The following ADGRV1 variants were observed in gnomAD, a reference collection of about 807,000 sequenced individuals.
The protein encoded by ADGRV1 is G-protein coupled receptor 98.
ADGRV1 carries 359 observed loss-of-function variants against 596.2 expected under a neutral mutation model. The ratio of observed to expected loss-of-function variants is 0.60; its 90% CI spans 0.55 to 0.66. The LOEUF (loss-of-function observed/expected upper bound fraction) is 0.66, where lower values mean the gene tolerates loss of function less well. ADGRV1 is among the 30% of genes least tolerant of loss of function. The probability of loss-of-function intolerance (pLI) is 0.00; values close to 1 mark genes in which losing one functional copy is unlikely to be tolerated. For synonymous variants in ADGRV1, 2,681 were observed against 2,679.2 expected, an observed-to-expected ratio of 1.00 and a Z score of -0.02; for missense variants, 7,274 against 7,575.6, an observed-to-expected ratio of 0.96 and a Z score of 1.48.
intron 83 of ADGRV1, among the ~76,000 whole-genome samples, chr5:90,928,607 C>T (rs879509401): frequency 4.1e-4 from 61 of 149,796 alleles, no homozygotes; most frequent in South Asian, 8.6e-4. Context: ...GTAATTTGAT[C>T]GTCTGAAGCC....
At chr5:90,633,176 T>G (rs1013625721) in intron 9 of ADGRV1, among the ~76,000 whole-genome samples, 35 of 152,184 alleles carry the variant, frequency 2.3e-4, no homozygotes, top group African/African-American at 8.4e-4. Context: ...GCAGTTTGAT[T>G]TAGCAGATGG....
intron 55 of ADGRV1, 140 bp from the exon 56 acceptor site, chr5:90,756,314 G>T (rs754488824): frequency 7.6e-5 from 41 of 542,634 alleles, no homozygotes; most frequent in Admixed American, 2.9e-4. Flanking sequence ...AATATAACAA[G>T]AATCTTTTTT....
At chr5:91,074,353 G>T (rs1386595370) in intron 86 of ADGRV1, among the ~76,000 whole-genome samples, 1 of 152,068 alleles carries the variant, frequency 6.6e-6, no homozygotes, top group Non-Finnish European at 1.5e-5. Context: ...GTAGGCCCCA[G>T]TGTCTCTTAT....
At chr5:90,996,388 A>T (rs1431631972) in intron 85 of ADGRV1, among the ~76,000 whole-genome samples, 2 of 152,238 alleles carry the variant, frequency 1.3e-5, no homozygotes, top group Non-Finnish European at 2.9e-5. Context: ...GGTGCAAGCC[A>T]TAAGAATCCT....
Position 90,683,692 on chromosome 5 carries a change from T to C in ADGRV1, c.5771T>C (p.Ile1924Thr), listed in dbSNP as rs779395121. ...ACCTCTGGCAACATCACATTTGAGA[T>C]TGGGCAGACGAGCGCCAATATCACT... The part of the protein sequence containing the change: ...AFTSGNITFE[I>T]GQTSANITVE... The change falls in exon 28 of 90, where the codon ATT (isoleucine) becomes ACT (threonine). Residue 1924 changes from isoleucine to threonine, a missense_variant. By Grantham distance (89) the Ile-to-Thr change is moderately conservative. Transcript: ENST00000405460. The C allele has an allele frequency of 3.1e-6, 5 of 1,613,786 alleles. No homozygotes were observed. Among genetic ancestry groups the C allele is most frequent in the Middle Eastern group, 1.6e-4 (1 of 6,084 alleles).
intron 84 of ADGRV1, among the ~76,000 whole-genome samples, chr5:90,967,088 G>T (rs116685101): frequency 9.1e-4 from 139 of 152,224 alleles, no homozygotes; most frequent in Admixed American, 1.2e-3. Context: ...CTCAAGGAAG[G>T]GTTGTTTTCC....
At chr5:90,597,945 G>A (rs1002074298) in intron 1 of ADGRV1, among the ~76,000 whole-genome samples, 5 of 152,122 alleles carry the variant, frequency 3.3e-5, no homozygotes, top group Admixed American at 2.6e-4. Context: ...TATTACAAAA[G>A]TTTAAGGGTG....
intron 83 of ADGRV1, among the ~76,000 whole-genome samples, chr5:90,956,853 C>A (rs1777525826): frequency 6.6e-6 from 1 of 152,084 alleles, no homozygotes; most frequent in African/African-American, 2.4e-5. Flanking sequence ...TCTGTTGTAT[C>A]TTAGGCATAA....
chr5:90,840,279 A>G (rs1300496671), intron 77 of ADGRV1, among the ~76,000 whole-genome samples: 1 of 152,214 alleles, frequency 6.6e-6, no homozygotes, highest in East Asian at 1.9e-4. Flanking sequence ...TTGAAGCACG[A>G]TTTTCAATCA....
chr5:90,622,498 GT>G, intron 4 of ADGRV1, 98 bp from the exon 5 acceptor site: 2 of 437,304 alleles, frequency 4.6e-6, no homozygotes, highest in Non-Finnish European at 8.2e-6. Context: ...GTGGATTGAT[GT>G]GTCTGTGGAA....
At position 90,940,311 on chromosome 5, in the gene ADGRV1, A is replaced by G. The variant is rs183862990; in HGVS notation, c.17857-25104A>G. 6.6e-5 allele frequency among the ~76,000 whole-genome samples: 10 copies of G among 152,334 alleles called. No individual in the cohort carries two copies. The East Asian group carries it at 1.7e-3, about 26-fold the overall frequency. On this transcript the variant is annotated intron_variant, in intron 83 of 89. Transcript: ENST00000405460. Reference sequence around the variant, plus strand: ...AAACTATTCCACAAAGAGAAAATATATTATCTGTGTTACTATCTAGTGTTC... The same window carrying G: ...AAACTATTCCACAAAGAGAAAATATGTTATCTGTGTTACTATCTAGTGTTC...
intron 21 of ADGRV1, 80 bp downstream of exon 21, chr5:90,658,358 T>A: frequency 7.5e-7 from 1 of 1,339,486 alleles, no homozygotes; most frequent in Non-Finnish European, 1.0e-6. Context: ...TTCTTTCATT[T>A]GGTAAGATTG....
At chr5:90,852,750 G>T (rs1188938742) in intron 79 of ADGRV1, among the ~76,000 whole-genome samples, 13 of 152,140 alleles carry the variant, frequency 8.5e-5, no homozygotes, top group Admixed American at 8.5e-4. Flanking sequence ...AGTGAAAAAA[G>T]ATCACTGTTC....
intron 21 of ADGRV1, among the ~76,000 whole-genome samples, chr5:90,669,165 A>G (rs1274744252): frequency 6.6e-6 from 1 of 152,232 alleles, no homozygotes; most frequent in East Asian, 1.9e-4. Flanking sequence ...TTGGCCTTAA[A>G]GCCATACTCT....
chr5:90,628,898 G>T, intron 8 of ADGRV1, 66 bp downstream of exon 8: 6 of 1,434,572 alleles, frequency 4.2e-6, no homozygotes, highest in Non-Finnish European at 4.7e-6. Flanking sequence ...AAAGAATTTG[G>T]TCATACACAT....
intron 74 of ADGRV1, among the ~76,000 whole-genome samples, chr5:90,812,311 ATTCTT>A (rs762753781): frequency 6.9e-4 from 105 of 152,238 alleles, no homozygotes; most frequent in Non-Finnish European, 1.2e-3. Flanking sequence ...CTATCTCATG[ATTCTT>A]TTCTTTTTTC....
At chr5:90,674,957 T>A (rs1196803760) in intron 23 of ADGRV1, among the ~76,000 whole-genome samples, 1 of 152,184 alleles carries the variant, frequency 6.6e-6, no homozygotes, top group Non-Finnish European at 1.5e-5. Flanking sequence ...ATATGTATTT[T>A]AAAACTGTAT....
chr5:91,161,023 T>G (rs192698040), intron 89 of ADGRV1, among the ~76,000 whole-genome samples: 158 of 152,332 alleles, frequency 1.0e-3, no homozygotes, highest in African/African-American at 3.1e-3. Context: ...ACATGCTTTA[T>G]GATGATATTC....
At chr5:90,888,812 C>T (rs565853289) in intron 83 of ADGRV1, among the ~76,000 whole-genome samples, 2 of 152,206 alleles carry the variant, frequency 1.3e-5, no homozygotes, top group East Asian at 3.9e-4. Flanking sequence ...TGGCCTTTCT[C>T]CTCATTACCT....
Sources: allele counts gnomAD v4.1 joint callset (sites outside exome capture counted in the v4.1 genomes callset), GRCh38; gene constraint gnomAD v4.1.1; transcripts MANE v1.5; gene names NCBI Gene and HGNC (gene_info 2026-07-23, HGNC 2026-07-21).